Variants in TDRD5 observed in about 807,000 individuals in gnomAD.
TDRD5 encodes tudor domain-containing protein 5.
Under a neutral mutation model 120.6 loss-of-function variants are expected in TDRD5, and 41 were observed. The ratio of observed to expected loss-of-function variants is 0.34; its 90% CI spans 0.26 to 0.44. The LOEUF is 0.44. Ranked by LOEUF, TDRD5 falls within the 20% of genes least tolerant of loss-of-function variation. The pLI is 1.00. For missense variants in TDRD5, 1,006 were observed against 1,221.2 expected (o/e 0.82, Z 2.63); for synonymous variants, 430 against 433.7 (o/e 0.99, Z 0.11).
intron 11 of TDRD5, among the ~76,000 whole-genome samples, chr1:179,643,231 TAAAAC>T (rs1456376100): frequency 6.6e-6 from 1 of 152,054 alleles, no homozygotes; most frequent in Non-Finnish European, 1.5e-5. Flanking sequence ...AACTGCCAGT[TAAAAC>T]AAATCACTCT....
rs375890851 is a variant in TDRD5 at position 179,663,418 on chromosome 1, C to T, written c.2576C>T (p.Thr859Met). The T allele has an allele frequency of 2.2e-5, 35 of 1,613,382 alleles. No individual in the cohort carries two copies. The highest frequency in any genetic ancestry group is 2.7e-5 in the Non-Finnish European group (32 of 1,179,816). ...SWQPSGLVNGTKVEVHKPEVL... is the reference protein window; with the variant it reads ...SWQPSGLVNGMKVEVHKPEVL... ...CAGCCTTCAGGCCTTGTAAATGGAA[C>T]GAAAGTAGAAGTTCATAAGCCAGAA... The change falls in exon 16 of 18, where the codon ACG (threonine) becomes ATG (methionine). Residue 859 changes from threonine to methionine, a missense_variant. By Grantham distance (81) the Thr-to-Met change is moderately conservative (BLOSUM62 -1). Coordinates refer to ENST00000444136, the MANE Select transcript of TDRD5 (RefSeq NM_001199085.3).
rs201983141 is a variant in TDRD5, at chr1:179,593,662, A to G, written c.435A>G (p.Leu145=). Residue 145 remains leucine, a synonymous_variant, in exon 3 of 18, where the codon TTA becomes TTG. Coordinates refer to ENST00000444136, the MANE Select transcript of TDRD5 (RefSeq NM_001199085.3). The part of the protein sequence containing the change: ...VKSELKDLLA[L]SPVLLSDFEK... ...GTGAGTTGAAGGACCTGTTGGCGTT[A>G]TCTCCTGTTCTTCTTTCTGATTTTG... 14 of 1,614,238 alleles carry G rather than the reference A, an allele frequency of 8.7e-6. No individual in the cohort carries two copies. Among genetic ancestry groups the G allele is most frequent in the Admixed American group, 1.7e-5 (1 of 60,032 alleles).
At chr1:179,633,419 T>C (rs945729872) in intron 7 of TDRD5, among the ~76,000 whole-genome samples, 4 of 152,026 alleles carry the variant, frequency 2.6e-5, no homozygotes, top group African/African-American at 9.7e-5. Context: ...TGGTGTGATC[T>C]TGGCTCACTG....
In TDRD5 at chr1:179,669,420, C is replaced by G. The variant is rs372228868; in HGVS notation, c.2860+16C>G. 1.9e-6 allele frequency: 3 copies of G among 1,612,748 alleles called. No homozygotes were observed. Among genetic ancestry groups the G allele is most frequent in the Non-Finnish European group, 8.5e-7 (1 of 1,179,244 alleles). ...TCTGGTTCTGGTATGTTTGTGTGTA[C>G]TTGTGCATGCTCACAGTTGACAAAC... On this transcript the variant is annotated intron_variant, in intron 17 of 17. Transcript: ENST00000444136.
In TDRD5 at chr1:179,634,346, G is replaced by A. The variant is rs1677639105; in HGVS notation, c.1127-111G>A. 2.8e-6 allele frequency: 3 copies of A among 1,053,184 alleles called. No individual in the cohort carries two copies. The East Asian group carries it at 7.4e-5, about 26-fold the overall frequency. The allele number at this position is 1,053,184 out of a possible 1,614,324, so 65.2% of individuals were successfully genotyped here. On this transcript the variant is annotated intron_variant, in intron 7 of 17. Transcript: ENST00000444136. ...TATCATTGTCTTTCTAGCACCTGGT[G>A]TGTTGAAGGTGCTTAGTAATGGTTG...
intron 10 of TDRD5, 150 bp from the exon 11 acceptor site, chr1:179,640,229 G>A (rs576880197): frequency 1.8e-5 from 19 of 1,032,060 alleles, no homozygotes; most frequent in African/African-American, 3.2e-5. Context: ...TGTAACTCTT[G>A]TGTTATCTTT....
intron 17 of TDRD5, among the ~76,000 whole-genome samples, chr1:179,686,724 G>A (rs1181073895): frequency 6.6e-6 from 1 of 152,206 alleles, no homozygotes; most frequent in Non-Finnish European, 1.5e-5. Context: ...TTCAGAGCCT[G>A]TTATTGGTCT....
intron 4 of TDRD5, among the ~76,000 whole-genome samples, chr1:179,604,295 C>G (rs1675862557): frequency 6.6e-6 from 1 of 151,668 alleles, no homozygotes; most frequent in Admixed American, 6.6e-5. Flanking sequence ...TTCTAATGGT[C>G]TATTAATTTT....
chr1:179,630,339 G>T (rs1166578738), intron 6 of TDRD5, among the ~76,000 whole-genome samples: 1 of 152,070 alleles, frequency 6.6e-6, no homozygotes, highest in Non-Finnish European at 1.5e-5. Context: ...AAAATTTAAG[G>T]AAATATTTTT....
intron 11 of TDRD5, among the ~76,000 whole-genome samples, chr1:179,642,506 AAATTT>A (rs1678107362): frequency 6.6e-6 from 1 of 152,206 alleles, no homozygotes; most frequent in Non-Finnish European, 1.5e-5. Flanking sequence ...CTTGTCATTC[AAATTT>A]AAGTCCAAAT....
chr1:179,633,648 CCTGGAGT>C (rs1677588197), intron 7 of TDRD5, among the ~76,000 whole-genome samples: 1 of 151,968 alleles, frequency 6.6e-6, no homozygotes, highest in South Asian at 2.1e-4. Context: ...CTGAACCCAG[CCTGGAGT>C]CTGTTTTAAT....
At chr1:179,620,019 A>G (rs1013841296) in intron 5 of TDRD5, among the ~76,000 whole-genome samples, 2 of 152,222 alleles carry the variant, frequency 1.3e-5, no homozygotes, top group African/African-American at 2.4e-5. Context: ...AGCTTATGAG[A>G]AAGTTTATAT....
chr1:179,616,491 T>C (rs1226089289), intron 4 of TDRD5, among the ~76,000 whole-genome samples: 2 of 152,120 alleles, frequency 1.3e-5, no homozygotes, highest in East Asian at 3.9e-4. Context: ...ACCCATCCAA[T>C]CTAATTTTCT....
At chr1:179,667,478 C>A (rs936466178) in intron 16 of TDRD5, among the ~76,000 whole-genome samples, 15 of 152,134 alleles carry the variant, frequency 9.9e-5, no homozygotes, top group African/African-American at 3.6e-4. Flanking sequence ...CACTGACTAG[C>A]AAGTTTAAAC....
At chr1:179,611,202 C>T (rs1485291781) in intron 4 of TDRD5, among the ~76,000 whole-genome samples, 1 of 151,948 alleles carries the variant, frequency 6.6e-6, no homozygotes, top group African/African-American at 2.4e-5. Flanking sequence ...CAGGGGTTGC[C>T]ACCATACTTG....
chr1:179,680,379 G>A (rs1310110043), intron 17 of TDRD5, among the ~76,000 whole-genome samples: 1 of 152,026 alleles, frequency 6.6e-6, no homozygotes. Flanking sequence ...AATTATTGAG[G>A]GATAATTGTT....
At chr1:179,675,735 T>C (rs867526886) in intron 17 of TDRD5, among the ~76,000 whole-genome samples, 22 of 152,306 alleles carry the variant, frequency 1.4e-4, no homozygotes, top group Middle Eastern at 6.8e-3. Context: ...GAGTACTTGA[T>C]ATAACTTCAA....
chr1:179,623,375 G>T (rs1012346845), intron 6 of TDRD5, among the ~76,000 whole-genome samples: 1 of 152,064 alleles, frequency 6.6e-6, no homozygotes, highest in Non-Finnish European at 1.5e-5. Flanking sequence ...AAAAATTACA[G>T]CATTAAATAA....
intron 6 of TDRD5, among the ~76,000 whole-genome samples, chr1:179,626,841 A>G (rs1220283293): frequency 6.6e-6 from 1 of 152,230 alleles, no homozygotes; most frequent in Non-Finnish European, 1.5e-5. Flanking sequence ...AACATGAATA[A>G]TAAAGCCAAA....
Sources: gnomAD v4.1 joint callset for allele counts (sites outside exome capture counted in the v4.1 genomes callset) on GRCh38, gnomAD v4.1.1 for gene constraint, MANE v1.5 for transcripts, NCBI Gene and HGNC (gene_info 2026-07-23, HGNC 2026-07-21) for gene names.